DDX52: variants seen among roughly 807,000 people sequenced by gnomAD.
DDX52 encodes the protein probable ATP-dependent RNA helicase DDX52.
In DDX52, 59 loss-of-function variants were observed where a neutral mutation model predicts 76.1. The ratio of observed to expected loss-of-function variants is 0.78; its 90% CI spans 0.63 to 0.96. The LOEUF is 0.96. DDX52 is among the 40% of genes least tolerant of loss of function. The pLI, the probability that DDX52 is intolerant of heterozygous loss-of-function variation, is 0.00. For synonymous variants in DDX52, 231 were observed against 244.1 expected (o/e 0.95, Z 0.50); for missense variants, 707 against 703.9 (o/e 1.00, Z -0.05).
At chr17:37,632,079 G>A (rs2030706516) in intron 4 of DDX52, 34 bp downstream of exon 4, 2 of 1,611,878 alleles carry the variant, frequency 1.2e-6, no homozygotes, top group African/African-American at 2.7e-5. Context: ...ACAGAGGAAG[G>A]AATGTTACAG....
chr17:37,633,855 T>C (rs1598764847), intron 2 of DDX52, among the ~76,000 whole-genome samples: 1 of 152,106 alleles, frequency 6.6e-6, no homozygotes, highest in East Asian at 1.9e-4. Flanking sequence ...TTCCCTTTGT[T>C]GGCTGTTTCA....
intron 2 of DDX52, among the ~76,000 whole-genome samples, chr17:37,639,864 C>T (rs533176101): frequency 6.6e-6 from 1 of 152,230 alleles, no homozygotes; most frequent in East Asian, 1.9e-4. Context: ...AATTTGAATC[C>T]TTTTCCTAAG....
At chr17:37,633,181 T>C (rs2030760463) in intron 3 of DDX52, 107 bp downstream of exon 3, 12 of 1,236,564 alleles carry the variant, frequency 9.7e-6, no homozygotes, top group Non-Finnish European at 1.3e-5. Flanking sequence ...TAACCTTCTA[T>C]CTTAACAAAA....
At chr17:37,615,821 C>CT in intron 14 of DDX52, among the ~76,000 whole-genome samples, 1 of 152,012 alleles carries the variant, frequency 6.6e-6, no homozygotes, top group Admixed American at 6.5e-5. Context: ...CAAGACCACC[C>CT]TGGCCAACAT....
At chr17:37,621,863 T>C (rs2030113735) in intron 9 of DDX52, among the ~76,000 whole-genome samples, 1 of 152,202 alleles carries the variant, frequency 6.6e-6, no homozygotes, top group East Asian at 1.9e-4. Flanking sequence ...TAAAATGAAA[T>C]AATTATCTTT....
At chr17:37,631,977 G>C in intron 4 of DDX52, 136 bp downstream of exon 4, 1 of 1,241,668 alleles carries the variant, frequency 8.1e-7, no homozygotes, top group Non-Finnish European at 1.1e-6. Context: ...ACAGGCATTT[G>C]ATGAACCTTA....
Position 37,619,750 on chromosome 17 carries a change from G to A in DDX52, c.1649+18C>T, listed in dbSNP as rs957112272. The A allele has an allele frequency of 6.3e-7, 1 of 1,598,296 alleles. No individual in the cohort carries two copies. The highest frequency in any genetic ancestry group is 8.5e-7 in the Non-Finnish European group (1 of 1,173,044). On this transcript the variant is annotated intron_variant, in intron 13 of 14. Coordinates refer to ENST00000617633, the MANE Select transcript of DDX52 (RefSeq NM_007010.5). ...TACAAAGAGACAGACAAAGATACAG[G>A]TAAATTCAAGATTGTACCTTAGTAG...
At chr17:37,631,898 G>A in intron 4 of DDX52, 3 of 593,626 alleles carry the variant, frequency 5.1e-6, no homozygotes, top group East Asian at 2.8e-5. Flanking sequence ...TGCAGTGTGG[G>A]GGAAAGGGTA....
rs148025362 is a variant in DDX52, at chr17:37,637,535, T to C, written c.287-4117A>G. The stretch of plus-strand genomic sequence containing the variant: ...TCAGCTTCCCAAAGCACTGGCATTA[T>C]AGGTGAGCCACTGCTCCTGGCCTCC... On this transcript the variant is annotated intron_variant, in intron 2 of 14. Transcript: ENST00000617633. Among the ~76,000 whole-genome samples the C allele has an allele frequency of 3.4e-3, 525 of 152,292 alleles. 1 individual carries two copies. The highest frequency in any genetic ancestry group is 5.1e-3 in the Non-Finnish European group (345 of 67,996).
chr17:37,627,777 GT>G (rs973130423), intron 6 of DDX52, among the ~76,000 whole-genome samples: 1 of 150,834 alleles, frequency 6.6e-6, no homozygotes, highest in Non-Finnish European at 1.5e-5. Context: ...CGTTCTTTTT[GT>G]TTTTTTTAAG....
Position 37,614,351 on chromosome 17 carries a change from T to C in DDX52, c.1745A>G (p.Lys582Arg), listed in dbSNP as rs2064400902. 3 of 1,610,510 alleles carry C rather than the reference T, an allele frequency of 1.9e-6. No homozygotes were observed. Among genetic ancestry groups the C allele is most frequent in the Admixed American group, 1.7e-5 (1 of 59,206 alleles). Residue 582 changes from lysine (K) to arginine (R), a missense_variant and splice_region_variant, in exon 15 of 15, where the codon AAA becomes AGA. Lys to Arg is a conservative substitution (Grantham distance 26). Coordinates refer to ENST00000617633, the MANE Select transcript of DDX52 (RefSeq NM_007010.5). Reference sequence around the variant, plus strand: ...CTTGCTGTTCTGACCAGTGACCTTTTTCCTGTAAAGAGCAAAGTAAGAAAA... The same window carrying C: ...CTTGCTGTTCTGACCAGTGACCTTTCTCCTGTAAAGAGCAAAGTAAGAAAA... ...CFLEKAKDKQKKVTGQNSKKK... is the reference protein window; with the variant it reads ...CFLEKAKDKQRKVTGQNSKKK...
chr17:37,620,582 AAACTC>A (rs2030029209), intron 12 of DDX52: 3 of 270,814 alleles, frequency 1.1e-5, no homozygotes, highest in Non-Finnish European at 2.1e-5. Flanking sequence ...AAAATGCAGG[AAACTC>A]ATCTTCTACA....
At position 37,610,740 on chromosome 17, in the gene DDX52, A is replaced by G. The variant is rs1371504508; in HGVS notation, c.*3556T>C. 6.6e-6 allele frequency: 1 copy of G among 152,230 alleles called. No individual in the cohort carries two copies. Among genetic ancestry groups the G allele is most frequent in the Non-Finnish European group, 1.5e-5 (1 of 68,032 alleles). 9.4% of individuals were successfully genotyped at this position (152,230 alleles called of 1,614,324 possible). A position where few individuals can be genotyped will look rare whatever the true frequency, so the allele number is the denominator to read the frequency against. ...TGTCCAGATCATACAGCTACAAGCA[A>G]TGAGGATCAGGATTCAAATCCAGGC... On this transcript the variant is annotated 3_prime_UTR_variant, in exon 15 of 15. Coordinates refer to ENST00000617633, the MANE Select transcript of DDX52 (RefSeq NM_007010.5).
At position 37,615,970 on chromosome 17, in the gene DDX52, T is replaced by C. The variant is rs150713912; in HGVS notation, c.1743-1617A>G. On this transcript the variant is annotated intron_variant, in intron 14 of 14. Coordinates refer to ENST00000617633, the MANE Select transcript of DDX52 (RefSeq NM_007010.5). ...TGAAGGTTGCAGTGAGCCGAGATCG[T>C]GCCACTGCACTCCCGCCTAGCAACA... Among the ~76,000 whole-genome samples the C allele has an allele frequency of 1.4e-4, 22 of 152,112 alleles. No individual in the cohort carries two copies. The East Asian group carries it at 4.3e-3, about 30-fold the overall frequency.
chr17:37,614,083 C>G lies in DDX52; in HGVS notation c.*213G>C. On this transcript the variant is annotated 3_prime_UTR_variant, in exon 15 of 15. Coordinates refer to ENST00000617633, the MANE Select transcript of DDX52 (RefSeq NM_007010.5). ...TTCAAGACCAGCCTGGACAACATGG[C>G]AAGACCCTCATCTCTACAGGAAAAA... is the stretch of plus-strand genomic sequence containing the variant. The G allele has an allele frequency of 2.0e-6, 1 of 511,514 alleles. No homozygotes were observed. Among genetic ancestry groups the G allele is most frequent in the Non-Finnish European group, 3.4e-6 (1 of 296,730 alleles). 31.7% of individuals were successfully genotyped at this position (511,514 alleles called of 1,614,324 possible).
chr17:37,633,894 C>T (rs1390410844), intron 2 of DDX52, among the ~76,000 whole-genome samples: 1 of 150,410 alleles, frequency 6.6e-6, no homozygotes, highest in East Asian at 1.9e-4. Context: ...TTGAAAACAA[C>T]AGGGGATTAA....
chr17:37,632,014 G>T (rs570926223), intron 4 of DDX52, 99 bp downstream of exon 4: 3 of 1,525,628 alleles, frequency 2.0e-6, no homozygotes, highest in African/African-American at 1.4e-5. Context: ...TTTAACAGGG[G>T]AGATAAGGTG....
intron 2 of DDX52, among the ~76,000 whole-genome samples, chr17:37,638,052 T>C (rs1220726688): frequency 6.6e-6 from 1 of 152,218 alleles, no homozygotes; most frequent in African/African-American, 2.4e-5. Context: ...AGATGAAACA[T>C]GGTTTTACCA....
chr17:37,626,008 G>A lies in DDX52; in HGVS notation c.1023C>T (p.Ala341=). 1 of 1,614,140 alleles carries A rather than the reference G, an allele frequency of 6.2e-7. No homozygotes were observed. Among genetic ancestry groups the A allele is most frequent in the Non-Finnish European group, 8.5e-7 (1 of 1,180,028 alleles). Residue 341 remains alanine (A), a synonymous_variant, in exon 8 of 15, where the codon GCC becomes GCT. Coordinates refer to ENST00000617633, the MANE Select transcript of DDX52 (RefSeq NM_007010.5). Reference sequence around the variant, plus strand: ...CTCTTCGGACCTTGTGGGATGTGCAGGCCAGGAAAATGGAAGCCAGCTGGT... The same window carrying A: ...CTCTTCGGACCTTGTGGGATGTGCAAGCCAGGAAAATGGAAGCCAGCTGGT... The part of the protein sequence containing the change: ...FRDQLASIFL[A]CTSHKVRRAM...
Sources: allele counts gnomAD v4.1 joint callset (sites outside exome capture counted in the v4.1 genomes callset), GRCh38; gene constraint gnomAD v4.1.1; transcripts MANE v1.5; gene names NCBI Gene and HGNC (gene_info 2026-07-23, HGNC 2026-07-21).